Variants in RAB27A observed in about 807,000 individuals in gnomAD.
RAB27A encodes the protein RAB27A, member RAS oncogene family, also known as ras-related protein Rab-27A.
In RAB27A, 17 loss-of-function variants were observed where a neutral mutation model predicts 20.8. That is an observed-to-expected ratio of 0.82 (90% confidence interval 0.56 to 1.23). RAB27A has a LOEUF of 1.23. Ranked by LOEUF, RAB27A falls within the 50% of genes most tolerant of loss-of-function variation. The pLI, the probability that RAB27A is intolerant of heterozygous loss-of-function variation, is 0.00. For missense variants in RAB27A, 277 were observed against 266.7 expected (o/e 1.04, Z -0.27); for synonymous variants, 85 against 92.8 (o/e 0.92, Z 0.48).
At chr15:55,213,137 T>C (rs546360392) in intron 6 of RAB27A, among the ~76,000 whole-genome samples, 3 of 152,224 alleles carry the variant, frequency 2.0e-5, no homozygotes, top group Admixed American at 2.0e-4. Context: ...TTCTTAGATA[T>C]CAAAACAACA....
intron 2 of RAB27A, among the ~76,000 whole-genome samples, chr15:55,313,833 A>T (rs2055031230): frequency 1.3e-5 from 2 of 152,096 alleles, no homozygotes; most frequent in East Asian, 1.9e-4. Context: ...CTTAGCCGGG[A>T]GTGGTGGCAA....
chr15:55,218,356 T>C (rs1895411724), intron 6 of RAB27A, among the ~76,000 whole-genome samples: 2 of 152,234 alleles, frequency 1.3e-5, no homozygotes, highest in Admixed American at 6.5e-5. Flanking sequence ...TCTTGTATGT[T>C]TGACTTATTT....
chr15:55,278,671 A>C (rs988413090), intron 1 of RAB27A, among the ~76,000 whole-genome samples: 1 of 152,036 alleles, frequency 6.6e-6, no homozygotes, highest in Admixed American at 6.5e-5. Flanking sequence ...TTTAGTAGAG[A>C]CAGGGTTTCA....
At chr15:55,286,275 T>C (rs142272494) in intron 1 of RAB27A, among the ~76,000 whole-genome samples, 2 of 152,192 alleles carry the variant, frequency 1.3e-5, no homozygotes, top group Non-Finnish European at 2.9e-5. Flanking sequence ...GAGTGCTTAA[T>C]ATATGTCAGA....
At chr15:55,256,688 C>A (rs1897091842) in intron 2 of RAB27A, among the ~76,000 whole-genome samples, 2 of 152,162 alleles carry the variant, frequency 1.3e-5, no homozygotes, top group African/African-American at 2.4e-5. Context: ...GGTAATGTGA[C>A]AAATTGAGGA....
intron 2 of RAB27A, among the ~76,000 whole-genome samples, chr15:55,252,661 T>C (rs530322509): frequency 6.6e-6 from 1 of 151,734 alleles, no homozygotes; most frequent in Admixed American, 6.6e-5. Context: ...CCAAAAGCTA[T>C]TGATTGATAG....
intron 2 of RAB27A, chr15:55,314,011 T>TAAACAAAC (rs1329036261): frequency 3.4e-5 from 5 of 145,008 alleles, no homozygotes; most frequent in African/African-American, 1.4e-4. Flanking sequence ...AATAAATAAA[T>TAAACAAAC]AAATAAACCG....
chr15:55,234,135 T>A (rs1428450243), intron 3 of RAB27A, among the ~76,000 whole-genome samples: 1 of 152,198 alleles, frequency 6.6e-6, no homozygotes, highest in African/African-American at 2.4e-5. Context: ...CAACAAGAAA[T>A]GTAGTCTAAG....
intron 2 of RAB27A, among the ~76,000 whole-genome samples, chr15:55,302,232 C>T (rs117906549): frequency 0.031 from 4,648 of 152,098 alleles, 81 homozygotes; most frequent in Non-Finnish European, 0.041. Context: ...CAACAACACC[C>T]GCCGCCACGC....
intron 6 of RAB27A, among the ~76,000 whole-genome samples, chr15:55,223,470 C>T (rs546113465): frequency 4.0e-5 from 6 of 151,310 alleles, no homozygotes; most frequent in Non-Finnish European, 1.5e-5. Context: ...GATTGTGCCA[C>T]TGCACTCCAG....
chr15:55,316,234 C>CAAAAAA (rs1186678422), intron 1 of RAB27A, among the ~76,000 whole-genome samples: 1 of 53,924 alleles, frequency 1.9e-5, no homozygotes. Context: ...GACTCCGTCT[C>CAAAAAA]AAAAAAAAAA....
chr15:55,307,322 T>C (rs1294936530), intron 2 of RAB27A, among the ~76,000 whole-genome samples: 1 of 152,000 alleles, frequency 6.6e-6, no homozygotes, highest in Non-Finnish European at 1.5e-5. Flanking sequence ...CAGCATTCTG[T>C]ATGGGCTAAG....
intron 1 of RAB27A, among the ~76,000 whole-genome samples, chr15:55,277,850 C>CT (rs1482305772): frequency 1.3e-5 from 2 of 152,172 alleles, no homozygotes; most frequent in Non-Finnish European, 2.9e-5. Context: ...TTAGTGGGGA[C>CT]TGAGTTATAG....
intron 5 of RAB27A, among the ~76,000 whole-genome samples, chr15:55,225,713 T>C (rs760829909): frequency 5.9e-5 from 9 of 152,344 alleles, no homozygotes; most frequent in South Asian, 2.1e-4. Flanking sequence ...ATTTCTTCTT[T>C]TTGTCTCATT....
chr15:55,280,669 C>G (rs113568987), intron 1 of RAB27A, among the ~76,000 whole-genome samples: 2 of 151,870 alleles, frequency 1.3e-5, no homozygotes, highest in Non-Finnish European at 2.9e-5. Context: ...GTCCCCACCC[C>G]CTGAGAGGCC....
intron 2 of RAB27A, among the ~76,000 whole-genome samples, chr15:55,243,862 C>T (rs1896587523): frequency 6.6e-6 from 1 of 152,166 alleles, no homozygotes; most frequent in Admixed American, 6.5e-5. Flanking sequence ...ACAACTATAC[C>T]TGCCTTTGGG....
chr15:55,310,255 A>C (rs1034705225), intron 2 of RAB27A, among the ~76,000 whole-genome samples: 1 of 152,212 alleles, frequency 6.6e-6, no homozygotes, highest in African/African-American at 2.4e-5. Flanking sequence ...ACAGTTGTCC[A>C]GGACAGAAGA....
intron 2 of RAB27A, among the ~76,000 whole-genome samples, chr15:55,255,539 C>T (rs1382720601): frequency 6.6e-6 from 1 of 152,200 alleles, no homozygotes; most frequent in Non-Finnish European, 1.5e-5. Flanking sequence ...TCTCTAATAG[C>T]CTTTTCCTTC....
chr15:55,272,344 G>A (rs1160792580), intron 1 of RAB27A, among the ~76,000 whole-genome samples: 3 of 152,174 alleles, frequency 2.0e-5, no homozygotes, highest in South Asian at 4.1e-4. Flanking sequence ...GCTTGCAGTG[G>A]GCCGAGATCG....
Sources: allele counts gnomAD v4.1 joint callset (sites outside exome capture counted in the v4.1 genomes callset), GRCh38; gene constraint gnomAD v4.1.1; transcripts MANE v1.5; gene names NCBI Gene and HGNC (gene_info 2026-07-23, HGNC 2026-07-21).